RBFOX3: variants seen among roughly 807,000 people sequenced by gnomAD.
RBFOX3 encodes the protein RNA binding fox-1 homolog 3, also known as RNA binding protein fox-1 homolog 3.
In RBFOX3, 17 loss-of-function variants were observed where a neutral mutation model predicts 48.7. The observed-to-expected ratio is 0.35, with a 90% CI of 0.24 to 0.52. The LOEUF is 0.52. Ranked by LOEUF, RBFOX3 falls within the 20% of genes least tolerant of loss-of-function variation. RBFOX3 has a pLI of 0.94. For synonymous variants in RBFOX3, 212 were observed against 209.5 expected (o/e 1.01, Z -0.10); for missense variants, 382 against 497.5 (o/e 0.77, Z 2.21).
At chr17:79,168,175 G>A (rs776938701) in intron 4 of RBFOX3, among the ~76,000 whole-genome samples, 16 of 152,182 alleles carry the variant, frequency 1.1e-4, no homozygotes, top group African/African-American at 1.7e-4. Context: ...CCCTGACCCC[G>A]CTGCTGCCTG....
intron 4 of RBFOX3, among the ~76,000 whole-genome samples, chr17:79,169,227 G>A (rs527525727): frequency 6.6e-6 from 1 of 152,316 alleles, no homozygotes; most frequent in South Asian, 2.1e-4. Context: ...CTCTGCTTGG[G>A]CCCAGGGCAG....
intron 4 of RBFOX3, among the ~76,000 whole-genome samples, chr17:79,174,893 G>A (rs1220414460): frequency 3.9e-5 from 6 of 152,312 alleles, no homozygotes; most frequent in East Asian, 1.9e-4. Flanking sequence ...GTACAGCCAC[G>A]AATCCCAGCA....
chr17:79,523,140 G>A (rs901604169), intron 1 of RBFOX3, among the ~76,000 whole-genome samples: 4 of 151,604 alleles, frequency 2.6e-5, no homozygotes, highest in Admixed American at 2.0e-4. Context: ...GTGGGGGGGC[G>A]GGTGGTTTGG....
At position 79,392,829 on chromosome 17, in the gene RBFOX3, C is replaced by T. The variant is rs527995636; in HGVS notation, c.-174-85005G>A. Among the ~76,000 whole-genome samples the T allele has an allele frequency of 9.2e-5, 14 of 152,324 alleles. No homozygotes were observed. In the South Asian group the frequency reaches 2.9e-3, roughly 32 times the overall value. Reference sequence around the variant, plus strand: ...GGGGTTGTTTGTTACTGAGCATAACCTGCTGCTGCTGACTGAGACACTGAC... The same window carrying T: ...GGGGTTGTTTGTTACTGAGCATAACTTGCTGCTGCTGACTGAGACACTGAC... On this transcript the variant is annotated intron_variant, in intron 2 of 14. Coordinates refer to ENST00000693108, the MANE Select transcript of RBFOX3 (RefSeq NM_001350451.2). The surrounding 1 kb of genome is among the most constrained non-coding windows in gnomAD (Gnocchi z 5.0).
At chr17:79,460,519 G>A (rs1555748128) in intron 2 of RBFOX3, among the ~76,000 whole-genome samples, 3 of 152,260 alleles carry the variant, frequency 2.0e-5, no homozygotes, top group South Asian at 2.1e-4. Context: ...CCATGCCCCA[G>A]CCACTCTGAG....
intron 2 of RBFOX3, among the ~76,000 whole-genome samples, chr17:79,432,410 T>A (rs1455935539): frequency 6.6e-6 from 1 of 152,194 alleles, no homozygotes; most frequent in African/African-American, 2.4e-5. Flanking sequence ...AAAAGCCAGC[T>A]TGGCTCATGG....
intron 1 of RBFOX3, among the ~76,000 whole-genome samples, chr17:79,533,234 C>T (rs1207819910): frequency 1.1e-4 from 16 of 152,228 alleles, no homozygotes; most frequent in Non-Finnish European, 1.3e-4. Context: ...CCTGGTAGGA[C>T]GGTCCCAGGG....
intron 3 of RBFOX3, among the ~76,000 whole-genome samples, chr17:79,246,311 A>G (rs1051980373): frequency 1.3e-5 from 2 of 152,304 alleles, no homozygotes; most frequent in African/African-American, 4.8e-5. Context: ...AGGGCACAGC[A>G]CTGCATGAGA....
intron 2 of RBFOX3, among the ~76,000 whole-genome samples, chr17:79,308,655 T>TA: frequency 6.6e-6 from 1 of 152,258 alleles, no homozygotes. Flanking sequence ...GTGGGGGTCA[T>TA]AAAGTCATGA....
chr17:79,657,141 A>C, the RBFOX3 span, among the ~76,000 whole-genome samples: 6 of 152,142 alleles, frequency 3.9e-5, no homozygotes, highest in African/African-American at 9.7e-5. Context: ...GAAGAGGAGA[A>C]GAATGAGGAG....
At chr17:79,389,053 A>C (rs963835133) in intron 2 of RBFOX3, among the ~76,000 whole-genome samples, 10 of 152,012 alleles carry the variant, frequency 6.6e-5, no homozygotes, top group Non-Finnish European at 1.0e-4. Flanking sequence ...CTTCCTCCAC[A>C]CTGACCATGA....
At chr17:79,614,178 G>A (rs386829741), upstream of RBFOX3, among the ~76,000 whole-genome samples, 998 of 152,326 alleles carry the variant, frequency 6.6e-3, 14 homozygotes, top group East Asian at 0.052. Context: ...CCCAAGACCC[G>A]GGGAAGCCTG....
Position 79,481,373 on chromosome 17 carries a change from G to A in RBFOX3, c.-175+1081C>T, listed in dbSNP as rs1598882196. Among the ~76,000 whole-genome samples, 2 of 152,162 alleles carry A rather than the reference G, an allele frequency of 1.3e-5. No individual in the cohort carries two copies. The highest frequency in any genetic ancestry group is 4.8e-5 in the African/African-American group (2 of 41,440). ...TGCACTGAACCTCATGGGGGTTTAA[G>A]AAAGAATTCACCTGGTGTCTGTCCC... On this transcript the variant is annotated intron_variant, in intron 2 of 14. Transcript: ENST00000693108. The surrounding 1 kb of genome is among the most constrained non-coding windows in gnomAD (Gnocchi z 5.4).
At chr17:79,629,922 G>A in the RBFOX3 span, among the ~76,000 whole-genome samples, 2 of 152,210 alleles carry the variant, frequency 1.3e-5, no homozygotes, top group Admixed American at 1.3e-4. Context: ...CTCCGAAGCA[G>A]GCTGGAAGGA....
chr17:79,171,816 C>A (rs2049365326), intron 4 of RBFOX3, among the ~76,000 whole-genome samples: 1 of 151,834 alleles, frequency 6.6e-6, no homozygotes, highest in Non-Finnish European at 1.5e-5. Flanking sequence ...GGGTGTGAGC[C>A]ACCACACCCA....
At chr17:79,285,694 G>GT (rs201066107) in intron 3 of RBFOX3, among the ~76,000 whole-genome samples, 4,613 of 125,774 alleles carry the variant, frequency 0.037, 114 homozygotes, top group East Asian at 0.086. Flanking sequence ...GTTTTGTTTT[G>GT]TTTTTTTGAG....
At chr17:79,645,615 G>A in the RBFOX3 span, among the ~76,000 whole-genome samples, 1 of 152,198 alleles carries the variant, frequency 6.6e-6, no homozygotes, top group Non-Finnish European at 1.5e-5. Context: ...GTCCAGCCCA[G>A]GGAGCCCAGG....
intron 1 of RBFOX3, among the ~76,000 whole-genome samples, chr17:79,548,899 C>T (rs1025398875): frequency 6.6e-6 from 1 of 152,266 alleles, no homozygotes; most frequent in African/African-American, 2.4e-5. Flanking sequence ...AGTGCCATCA[C>T]TCCCTCGCTA....
intron 3 of RBFOX3, among the ~76,000 whole-genome samples, chr17:79,279,837 G>A (rs538700818): frequency 1.9e-4 from 29 of 152,262 alleles, no homozygotes; most frequent in African/African-American, 6.7e-4. Context: ...GTCACTGAGA[G>A]GTTGGAAAAA....
Sources: allele counts gnomAD v4.1 joint callset (sites outside exome capture counted in the v4.1 genomes callset), GRCh38; gene constraint gnomAD v4.1.1; non-coding constraint Gnocchi (gnomAD v3.1); transcripts MANE v1.5; gene names NCBI Gene and HGNC (gene_info 2026-07-23, HGNC 2026-07-21).